Variants in ZCWPW2 observed in about 807,000 individuals in gnomAD.
ZCWPW2 encodes zinc finger CW-type PWWP domain protein 2.
ZCWPW2 carries 45 observed loss-of-function variants against 46.6 expected under a neutral mutation model. That is an observed-to-expected ratio of 0.96 (90% CI 0.76 to 1.24). ZCWPW2 has a LOEUF of 1.24. Ranked by LOEUF, ZCWPW2 falls within the 50% of genes most tolerant of loss-of-function variation. ZCWPW2 has a pLI of 0.00. For missense variants in ZCWPW2, 429 were observed against 403.9 expected, an observed-to-expected ratio of 1.06 and a Z score of -0.53; for synonymous variants, 152 against 137.1, an observed-to-expected ratio of 1.11 and a Z score of -0.76.
At chr3:28,367,335 G>T (rs1282751262) in intron 1 of ZCWPW2, among the ~76,000 whole-genome samples, 2 of 152,128 alleles carry the variant, frequency 1.3e-5, no homozygotes, top group Non-Finnish European at 2.9e-5. Flanking sequence ...AGAGATTCTG[G>T]TATGTTGTGT....
chr3:28,350,392 GTA>G (rs776483362), intron 1 of ZCWPW2, among the ~76,000 whole-genome samples: 2 of 152,326 alleles, frequency 1.3e-5, no homozygotes, highest in South Asian at 4.1e-4. Flanking sequence ...TTCTGAGTAA[GTA>G]AAGATAAAAT....
chr3:28,489,668 G>GCACA (rs1209352772), intron 5 of ZCWPW2, among the ~76,000 whole-genome samples: 3,519 of 39,498 alleles, frequency 0.089, 66 homozygotes, highest in South Asian at 0.17. Flanking sequence ...ACACACGCGC[G>GCACA]CACACACACA....
intron 2 of ZCWPW2, among the ~76,000 whole-genome samples, chr3:28,398,977 C>CT (rs1222736911): frequency 6.6e-6 from 1 of 152,168 alleles, no homozygotes; most frequent in Non-Finnish European, 1.5e-5. Context: ...TGTGCAGACT[C>CT]TACAGGCGGG....
intron 2 of ZCWPW2, among the ~76,000 whole-genome samples, chr3:28,409,670 C>T (rs534991664): frequency 6.6e-6 from 1 of 151,888 alleles, no homozygotes; most frequent in Non-Finnish European, 1.5e-5. Context: ...TTAATTTATA[C>T]CTTGTTAAAT....
chr3:28,480,864 C>CTTT (rs56891846), intron 5 of ZCWPW2, among the ~76,000 whole-genome samples: 5 of 122,008 alleles, frequency 4.1e-5, no homozygotes, highest in African/African-American at 1.3e-4. Flanking sequence ...CATTTTTTTT[C>CTTT]TTTTTTTTTT....
chr3:28,439,309 C>G (rs1394706700), intron 4 of ZCWPW2, among the ~76,000 whole-genome samples: 1 of 151,912 alleles, frequency 6.6e-6, no homozygotes, highest in African/African-American at 2.4e-5. Flanking sequence ...GGGCAGGAAG[C>G]ATCCAGCACG....
At chr3:28,409,652 G>C (rs931291500) in intron 2 of ZCWPW2, among the ~76,000 whole-genome samples, 1 of 152,108 alleles carries the variant, frequency 6.6e-6, no homozygotes, top group South Asian at 2.1e-4. Context: ...AGAAGGTAGA[G>C]ATATTGATTA....
Position 28,447,680 on chromosome 3 carries a change from T to G in ZCWPW2, c.492+12411T>G, listed in dbSNP as rs1267161598. On this transcript the variant is annotated intron_variant, in intron 4 of 9. Transcript: ENST00000383768. ...GAGCAATTAGGCAAGAAAAAAGAAA[T>G]AAAAGATATCTAGCTTCCACGAACG... is the stretch of plus-strand genomic sequence containing the variant. The G allele has an allele frequency of 2.4e-5, 10 of 419,172 alleles. No individual in the cohort carries two copies. In the Admixed American group the frequency reaches 2.8e-4, roughly 12 times the overall value. The allele number at this position is 419,172 out of a possible 1,614,324, so 26.0% of individuals were successfully genotyped here.
intron 4 of ZCWPW2, among the ~76,000 whole-genome samples, chr3:28,454,091 G>T (rs372889802): frequency 6.6e-6 from 1 of 151,884 alleles, no homozygotes; most frequent in African/African-American, 2.4e-5. Context: ...TGATCCGCCC[G>T]CCTCGGCCTC....
At chr3:28,411,834 A>T (rs995411144) in intron 2 of ZCWPW2, among the ~76,000 whole-genome samples, 4 of 152,024 alleles carry the variant, frequency 2.6e-5, no homozygotes, top group Non-Finnish European at 5.9e-5. Flanking sequence ...GCTAGATTTG[A>T]TTCTGTTTTT....
At chr3:28,389,620 C>T (rs570524578) in intron 1 of ZCWPW2, among the ~76,000 whole-genome samples, 33 of 152,262 alleles carry the variant, frequency 2.2e-4, no homozygotes, top group Non-Finnish European at 3.5e-4. Context: ...ATTTAGGAAA[C>T]GCATCCTTAA....
chr3:28,398,504 G>T (rs965503731), intron 2 of ZCWPW2, among the ~76,000 whole-genome samples: 1 of 152,122 alleles, frequency 6.6e-6, no homozygotes, highest in South Asian at 2.1e-4. Context: ...ATGAATTTTT[G>T]ATCCAGAACG....
At chr3:28,499,526 T>C (rs1430029002) in intron 6 of ZCWPW2, among the ~76,000 whole-genome samples, 1 of 152,156 alleles carries the variant, frequency 6.6e-6, no homozygotes, top group Non-Finnish European at 1.5e-5. Context: ...TTTGTTTAAG[T>C]TCCTTGTAGA....
intron 1 of ZCWPW2, among the ~76,000 whole-genome samples, chr3:28,372,618 CTTTAT>C (rs1211978193): frequency 2.0e-5 from 3 of 152,002 alleles, no homozygotes; most frequent in Non-Finnish European, 2.9e-5. Context: ...GCAACTTGTC[CTTTAT>C]TTTATTTTAA....
At chr3:28,483,843 C>G (rs951196613) in intron 5 of ZCWPW2, among the ~76,000 whole-genome samples, 1 of 152,060 alleles carries the variant, frequency 6.6e-6, no homozygotes, top group Non-Finnish European at 1.5e-5. Flanking sequence ...TATCCTGCAA[C>G]CTTGCTATAA....
intron 4 of ZCWPW2, among the ~76,000 whole-genome samples, chr3:28,457,457 A>G (rs1698468651): frequency 6.6e-6 from 1 of 152,208 alleles, no homozygotes. Flanking sequence ...ATATCCATTA[A>G]TATTGTGGCT....
intron 4 of ZCWPW2, among the ~76,000 whole-genome samples, chr3:28,454,945 C>T (rs1698367804): frequency 6.6e-6 from 1 of 152,144 alleles, no homozygotes; most frequent in Non-Finnish European, 1.5e-5. Context: ...ACAGTGAACA[C>T]ATGTGTGCAT....
At chr3:28,506,309 G>T (rs1015479121) in intron 6 of ZCWPW2, among the ~76,000 whole-genome samples, 3 of 151,840 alleles carry the variant, frequency 2.0e-5, no homozygotes, top group Non-Finnish European at 2.9e-5. Flanking sequence ...AGTCATCTAA[G>T]GAGCTTATTT....
intron 5 of ZCWPW2, among the ~76,000 whole-genome samples, chr3:28,489,490 C>T (rs989340613): frequency 1.3e-4 from 20 of 151,792 alleles, no homozygotes; most frequent in African/African-American, 4.6e-4. Flanking sequence ...TATTATTACT[C>T]ATCAATTATT....
Sources: allele counts gnomAD v4.1 joint callset (sites outside exome capture counted in the v4.1 genomes callset), GRCh38; gene constraint gnomAD v4.1.1; transcripts MANE v1.5; gene names NCBI Gene and HGNC (gene_info 2026-07-23, HGNC 2026-07-21).